SLCO2A1: variants seen among roughly 807,000 people sequenced by gnomAD.
SLCO2A1 encodes solute carrier organic anion transporter family member 2A1.
A neutral mutation model predicts 71.7 loss-of-function variants in SLCO2A1; 60 were observed. The observed-to-expected ratio is 0.84, with a 90% CI of 0.68 to 1.04. The LOEUF is 1.04. Ranked by LOEUF, SLCO2A1 falls within the 50% of genes least tolerant of loss-of-function variation. The pLI is 0.00. For missense variants in SLCO2A1, 745 were observed against 813.4 expected (o/e 0.92, Z 1.02); for synonymous variants, 308 against 326.7 (o/e 0.94, Z 0.62).
At chr3:133,991,612 A>AGAT (rs1934848106) in intron 1 of SLCO2A1, among the ~76,000 whole-genome samples, 1 of 152,212 alleles carries the variant, frequency 6.6e-6, no homozygotes, top group Non-Finnish European at 1.5e-5. Context: ...GGGTCACTGG[A>AGAT]GATATAAAAA....
chr3:134,005,134 A>G (rs1935180174), intron 1 of SLCO2A1, among the ~76,000 whole-genome samples: 2 of 152,232 alleles, frequency 1.3e-5, no homozygotes, highest in South Asian at 2.1e-4. Flanking sequence ...TCCTTCACAC[A>G]TTTCCTATTA....
At chr3:134,016,280 A>T (rs1277162145) in intron 1 of SLCO2A1, among the ~76,000 whole-genome samples, 1 of 152,194 alleles carries the variant, frequency 6.6e-6, no homozygotes, top group Non-Finnish European at 1.5e-5. Flanking sequence ...TTCAGACTGC[A>T]TACCCCACAA....
chr3:133,973,574 G>T, intron 3 of SLCO2A1, 89 bp downstream of exon 3: 1 of 1,363,800 alleles, frequency 7.3e-7, no homozygotes, highest in Non-Finnish European at 1.0e-6. Context: ...TCCTGGAGTG[G>T]TATCCACTGC....
At chr3:133,964,103 C>T (rs1934109570) in intron 3 of SLCO2A1, among the ~76,000 whole-genome samples, 1 of 152,194 alleles carries the variant, frequency 6.6e-6, no homozygotes, top group African/African-American at 2.4e-5. Flanking sequence ...CACTCAGTTT[C>T]ATCTTGGAAA....
intron 3 of SLCO2A1, among the ~76,000 whole-genome samples, chr3:133,969,296 G>C (rs555552463): frequency 2.8e-3 from 419 of 152,318 alleles, no homozygotes; most frequent in Admixed American, 5.0e-3. Context: ...TGGGCCTGGT[G>C]GTGGGCACCT....
intron 5 of SLCO2A1, 79 bp from the exon 6 acceptor site, chr3:133,951,423 GGA>G: frequency 6.5e-7 from 1 of 1,533,542 alleles, no homozygotes; most frequent in Non-Finnish European, 8.9e-7. Context: ...CTGATCAGGG[GGA>G]GTTTCACTGA....
intron 1 of SLCO2A1, among the ~76,000 whole-genome samples, chr3:134,017,444 G>A (rs887566741): frequency 6.6e-6 from 1 of 152,154 alleles, no homozygotes; most frequent in African/African-American, 2.4e-5. Flanking sequence ...TGATCCTCCA[G>A]GATACAGACA....
At chr3:133,940,641 C>T (rs947555267) in intron 11 of SLCO2A1, among the ~76,000 whole-genome samples, 5 of 152,070 alleles carry the variant, frequency 3.3e-5, no homozygotes, top group African/African-American at 1.2e-4. Flanking sequence ...TCCATCTGAC[C>T]CAAGGTGCAA....
chr3:133,951,246 A>G lies in SLCO2A1; in HGVS notation c.823T>C (p.Phe275Leu), dbSNP rs150153024. The change falls in exon 6 of 14, where the codon TTT becomes CTT. Residue 275 changes from phenylalanine to leucine, a missense_variant. Transcript: ENST00000310926. ...SALLVLTSFP[F>L]FFFPRAMPIG... ...GGCATTGCTCGAGGGAAGAAAAAAA[A>G]GGGGAAAGAGGTGAGAACCAATAAA... is the stretch of plus-strand genomic sequence containing the variant. 2.5e-6 allele frequency: 4 copies of G among 1,613,934 alleles called. No individual in the cohort carries two copies. The African/African-American group carries it at 5.3e-5, about 22-fold the overall frequency.
chr3:133,994,661 G>A (rs572574800), intron 1 of SLCO2A1, among the ~76,000 whole-genome samples: 5 of 152,306 alleles, frequency 3.3e-5, no homozygotes, highest in Admixed American at 3.3e-4. Flanking sequence ...TGCACCCTTG[G>A]GGGGAAGCTG....
intron 3 of SLCO2A1, among the ~76,000 whole-genome samples, chr3:133,973,310 G>C (rs756190340): frequency 1.3e-5 from 2 of 152,330 alleles, no homozygotes; most frequent in South Asian, 4.1e-4. Context: ...GTCACGAAGT[G>C]CTATGATTAA....
At chr3:133,943,195 A>G (rs188824296) in intron 10 of SLCO2A1, among the ~76,000 whole-genome samples, 194 of 152,328 alleles carry the variant, frequency 1.3e-3, no homozygotes, top group African/African-American at 4.5e-3. Flanking sequence ...GTGGGAACAC[A>G]GTGGAATTCC....
intron 11 of SLCO2A1, among the ~76,000 whole-genome samples, chr3:133,941,504 G>T (rs532194768): frequency 6.6e-6 from 1 of 152,030 alleles, no homozygotes; most frequent in East Asian, 1.9e-4. Context: ...CAAATCCTGT[G>T]TTTTTGCCCT....
At chr3:134,015,738 A>G (rs552352291) in intron 1 of SLCO2A1, among the ~76,000 whole-genome samples, 38 of 152,348 alleles carry the variant, frequency 2.5e-4, no homozygotes, top group African/African-American at 8.4e-4. Context: ...CAAAAATAAT[A>G]AATTTTTAAA....
At chr3:133,944,871 C>T (rs528862879) in intron 10 of SLCO2A1, among the ~76,000 whole-genome samples, 46 of 152,346 alleles carry the variant, frequency 3.0e-4, no homozygotes, top group African/African-American at 9.6e-4. Flanking sequence ...TGTTGGACAT[C>T]GGCCAGTCTT....
At chr3:133,939,801 C>T (rs1365960767) in intron 11 of SLCO2A1, among the ~76,000 whole-genome samples, 1 of 152,122 alleles carries the variant, frequency 6.6e-6, no homozygotes. Context: ...TCTTGGGCCC[C>T]TTCTAGTCTC....
At chr3:134,008,356 CAGG>C (rs2108073341) in intron 1 of SLCO2A1, among the ~76,000 whole-genome samples, 2 of 152,270 alleles carry the variant, frequency 1.3e-5, no homozygotes, top group South Asian at 4.1e-4. Context: ...TGGTTGATGA[CAGG>C]AGGTCAATAA....
In SLCO2A1 at chr3:133,935,846, A is replaced by C. The variant is rs201986457; in HGVS notation, c.1742T>G (p.Ile581Ser). ...CCCCAAGCACAGCGAGTTCCACCGG[A>C]TGCAGGAGTGGTCAATGGTGAGGCC... ...LYGLTIDHSC[I>S]RWNSLCLGRR... The change falls in exon 13 of 14, where the codon ATC becomes AGC. Residue 581 changes from isoleucine (I) to serine (S), a missense_variant. By Grantham distance (142) the Ile-to-Ser change is moderately radical (BLOSUM62 -2). Transcript: ENST00000310926. 11 of 1,611,916 alleles carry C rather than the reference A, an allele frequency of 6.8e-6. No individual in the cohort carries two copies. The highest frequency in any genetic ancestry group is 5.9e-6 in the Non-Finnish European group (7 of 1,178,684).
rs1933660995 is a variant in SLCO2A1 at position 133,948,936 on chromosome 3, C to T, written c.897G>A (p.Leu299=). Residue 299 remains leucine, a synonymous_variant, in exon 7 of 14, where the codon TTG becomes TTA. Transcript: ENST00000310926. ...APATADEARK[L]EEAKSRGSLV... ...GGGAGCCTCTTGACTTGGCCTCCTC[C>T]AACTTCCTTGCTTCATCTGCTGTGG... 1 of 1,614,184 alleles carries T rather than the reference C, an allele frequency of 6.2e-7. No homozygotes were observed. The highest frequency in any genetic ancestry group is 8.5e-7 in the Non-Finnish European group (1 of 1,180,026).
Sources: allele counts gnomAD v4.1 joint callset (sites outside exome capture counted in the v4.1 genomes callset), GRCh38; gene constraint gnomAD v4.1.1; transcripts MANE v1.5; gene names NCBI Gene and HGNC (gene_info 2026-07-23, HGNC 2026-07-21).